The following PDE4D variants were observed in gnomAD, a reference collection of about 807,000 sequenced individuals.
PDE4D encodes phosphodiesterase 4D.
Under a neutral mutation model 87.4 loss-of-function variants are expected in PDE4D, and 24 were observed. The observed-to-expected ratio is 0.27, with a 90% CI of 0.20 to 0.39. The LOEUF (loss-of-function observed/expected upper bound fraction) is 0.39, where lower values mean the gene tolerates loss of function less well. Among genes scored for constraint, PDE4D ranks in the 10% least tolerant of loss-of-function variants. PDE4D has a pLI of 1.00. For missense variants in PDE4D, 714 were observed against 1,041.0 expected, an observed-to-expected ratio of 0.69 and a Z score of 4.32; for synonymous variants, 384 against 383.2, an observed-to-expected ratio of 1.00 and a Z score of -0.02.
intron 3 of PDE4D, among the ~76,000 whole-genome samples, chr5:59,933,062 CTTTGAAAT>C (rs1182594868): frequency 1.3e-5 from 2 of 152,128 alleles, no homozygotes; most frequent in Non-Finnish European, 2.9e-5. Flanking sequence ...TGCACCATTG[CTTTGAAAT>C]AGGATTCAGA....
At chr5:59,990,160 A>C (rs1762863338) in intron 2 of PDE4D, among the ~76,000 whole-genome samples, 1 of 152,150 alleles carries the variant, frequency 6.6e-6, no homozygotes, top group Non-Finnish European at 1.5e-5. Context: ...CTATACAACT[A>C]TCTTTGGGCA....
At chr5:59,227,000 G>C (rs1753925055) in intron 1 of PDE4D, among the ~76,000 whole-genome samples, 1 of 152,130 alleles carries the variant, frequency 6.6e-6, no homozygotes, top group African/African-American at 2.4e-5. Context: ...AGAGTATGGA[G>C]GGAAGAGCAG....
chr5:60,414,073 A>G (rs952678719), intron 1 of PDE4D, among the ~76,000 whole-genome samples: 1 of 152,172 alleles, frequency 6.6e-6, no homozygotes, highest in African/African-American at 2.4e-5. Flanking sequence ...GGGGTCATGT[A>G]TTCCTTAGTA....
At chr5:60,239,457 A>G (rs1746825303) in intron 1 of PDE4D, among the ~76,000 whole-genome samples, 2 of 152,140 alleles carry the variant, frequency 1.3e-5, no homozygotes, top group Admixed American at 6.6e-5. Context: ...CAGATTGTCA[A>G]GTTCCTGAAA....
At chr5:58,993,309 C>A in intron 7 of PDE4D, 63 bp downstream of exon 7, 1 of 930,296 alleles carries the variant, frequency 1.1e-6, no homozygotes, top group Non-Finnish European at 1.6e-6. Flanking sequence ...CCCCAATCCT[C>A]CTACAAAAAC....
intron 2 of PDE4D, among the ~76,000 whole-genome samples, chr5:59,198,341 A>G (rs183933318): frequency 7.9e-5 from 12 of 152,226 alleles, no homozygotes; most frequent in Non-Finnish European, 1.5e-4. Flanking sequence ...ACATGTATAC[A>G]TGTATGTATG....
chr5:59,261,148 G>T (rs1256983668), intron 1 of PDE4D, among the ~76,000 whole-genome samples: 5 of 151,816 alleles, frequency 3.3e-5, no homozygotes. Context: ...TTCCATTCTT[G>T]CATGGTGCCC....
chr5:60,089,529 G>T lies in PDE4D; in HGVS notation c.42+96028C>A, dbSNP rs151035061. Among the ~76,000 whole-genome samples the T allele has an allele frequency of 7.1e-4, 108 of 151,884 alleles. 1 individual carries two copies. The highest frequency in any genetic ancestry group is 2.6e-3 in the African/African-American group (106 of 41,506). On this transcript the variant is annotated intron_variant, in intron 2 of 16. Coordinates refer to the PDE4D transcript ENST00000502484. ...GAAATACAGCATACAAAAACCTAGA[G>T]GATATACCAAAAGCAGTTCTAGGAT...
chr5:59,685,828 A>C (rs568164844), intron 1 of PDE4D, among the ~76,000 whole-genome samples: 3 of 152,106 alleles, frequency 2.0e-5, no homozygotes, highest in Non-Finnish European at 4.4e-5. Flanking sequence ...GCATTTTCTG[A>C]CCACGATAAG....
At position 59,041,881 on chromosome 5, in the gene PDE4D, A is replaced by G. The variant is rs2153396665; in HGVS notation, c.809-2910T>C. 2.6e-5 allele frequency among the ~76,000 whole-genome samples: 4 copies of G among 152,346 alleles called. No individual in the cohort carries two copies. The South Asian group carries it at 8.3e-4, about 32-fold the overall frequency. On this transcript the variant is annotated intron_variant, in intron 5 of 14. Transcript: ENST00000340635. ...AAAGTTTTGGCTAATGCTTCAAGACATCATGCACTTTATACACAGGATTTG... is the reference window on the plus strand; with the variant it reads ...AAAGTTTTGGCTAATGCTTCAAGACGTCATGCACTTTATACACAGGATTTG...
chr5:59,784,251 TTA>T (rs1764925288), intron 1 of PDE4D, among the ~76,000 whole-genome samples: 1 of 149,406 alleles, frequency 6.7e-6, no homozygotes. Context: ...TTTTTTTTTT[TTA>T]AAAAAAAAAA....
intron 5 of PDE4D, among the ~76,000 whole-genome samples, chr5:59,096,280 T>C (rs1004611064): frequency 6.6e-6 from 1 of 152,138 alleles, no homozygotes; most frequent in African/African-American, 2.4e-5. Flanking sequence ...TAAATGTAAC[T>C]GGCAAAGTGG....
At chr5:59,865,850 C>A (rs1175049811) in intron 1 of PDE4D, among the ~76,000 whole-genome samples, 1 of 152,126 alleles carries the variant, frequency 6.6e-6, no homozygotes, top group African/African-American at 2.4e-5. Flanking sequence ...GTCAGAGATA[C>A]AAAGGGACAT....
intron 9 of PDE4D, 127 bp from the exon 10 acceptor site, chr5:58,990,046 C>T: frequency 1.6e-6 from 1 of 608,622 alleles, no homozygotes. Context: ...CAACTGCACT[C>T]TCACATGTCT....
chr5:59,242,787 G>T (rs1453051430), intron 1 of PDE4D, among the ~76,000 whole-genome samples: 1 of 152,108 alleles, frequency 6.6e-6, no homozygotes, highest in Non-Finnish European at 1.5e-5. Context: ...CTCCTTTATA[G>T]ATAAGGAAAC....
intron 1 of PDE4D, among the ~76,000 whole-genome samples, chr5:59,389,643 C>A (rs1345878639): frequency 2.0e-5 from 3 of 152,158 alleles, no homozygotes; most frequent in Admixed American, 2.0e-4. Context: ...AGTACACCTG[C>A]ACCCCCATGT....
chr5:59,110,973 C>T (rs762990307), intron 5 of PDE4D, among the ~76,000 whole-genome samples: 3 of 152,188 alleles, frequency 2.0e-5, no homozygotes, highest in Non-Finnish European at 1.5e-5. Flanking sequence ...AGACTGCAAC[C>T]TTTAACCAAT....
At chr5:59,573,280 C>T (rs181587456) in intron 1 of PDE4D, among the ~76,000 whole-genome samples, 26 of 152,296 alleles carry the variant, frequency 1.7e-4, no homozygotes, top group African/African-American at 6.3e-4. Context: ...AAAGGCTGGG[C>T]TCATTGACCT....
At chr5:60,482,510 T>C (rs917892276) in intron 1 of PDE4D, among the ~76,000 whole-genome samples, 1 of 152,174 alleles carries the variant, frequency 6.6e-6, no homozygotes, top group Non-Finnish European at 1.5e-5. Context: ...AGCAGACTTC[T>C]ATGAGTTTTC....
Sources: allele counts gnomAD v4.1 joint callset (sites outside exome capture counted in the v4.1 genomes callset), GRCh38; gene constraint gnomAD v4.1.1; transcripts MANE v1.5; gene names NCBI Gene and HGNC (gene_info 2026-07-23, HGNC 2026-07-21).